Variants in APC observed in about 807,000 individuals in gnomAD.
APC encodes the protein adenomatous polyposis coli protein.
Under a neutral mutation model 247.0 loss-of-function variants are expected in APC, and 72 were observed. That is an observed-to-expected ratio of 0.29 (90% CI 0.24 to 0.35). APC has a LOEUF of 0.35. Among genes scored for constraint, APC ranks in the 10% least tolerant of loss-of-function variants. The probability of loss-of-function intolerance (pLI) is 1.00; values close to 1 mark genes in which losing one functional copy is unlikely to be tolerated. For missense variants in APC, 3,400 were observed against 3,360.7 expected (o/e 1.01, Z -0.29); for synonymous variants, 1,254 against 1,162.5 (o/e 1.08, Z -1.60).
At chr5:112,830,622 C>T (rs1003168186) in intron 14 of APC, among the ~76,000 whole-genome samples, 1 of 152,142 alleles carries the variant, frequency 6.6e-6, no homozygotes, top group South Asian at 2.1e-4. Context: ...TTATGATAGT[C>T]AAAAACTAGA....
chr5:112,793,188 A>G (rs1053944407), intron 7 of APC, among the ~76,000 whole-genome samples: 1 of 152,166 alleles, frequency 6.6e-6, no homozygotes, highest in Admixed American at 6.5e-5. Flanking sequence ...CTCCTTTCCA[A>G]TCCCAGCAAA....
intron 8 of APC, among the ~76,000 whole-genome samples, chr5:112,804,640 A>G (rs1761182064): frequency 6.6e-6 from 1 of 152,176 alleles, no homozygotes. Flanking sequence ...GGCCTCCCAA[A>G]TTGCTGGGAT....
rs1766784950 is a variant in APC at position 112,844,224 on chromosome 5, G to T, written c.*98G>T. 4 of 1,182,812 alleles carry T rather than the reference G, an allele frequency of 3.4e-6. No homozygotes were observed. The East Asian group carries it at 1.0e-4, about 30-fold the overall frequency. 73.3% of individuals were successfully genotyped at this position (1,182,812 alleles called of 1,614,324 possible). On this transcript the variant is annotated 3_prime_UTR_variant, in exon 16 of 16. Transcript: ENST00000257430. The stretch of plus-strand genomic sequence containing the variant: ...AAACTTTAAAAGACTGAAAAATTTT[G>T]TAAATAGGTTTGATTCTTGTTAGAG...
intron 1 of APC, among the ~76,000 whole-genome samples, chr5:112,729,920 T>A (rs967230765): frequency 2.6e-5 from 4 of 152,190 alleles, no homozygotes; most frequent in Non-Finnish European, 5.9e-5. Context: ...TGTTGAGTCA[T>A]CACAGTTTTT....
rs2149894727 is a variant in APC at position 112,839,170 on chromosome 5, A to T, written c.3576A>T (p.Lys1192Asn). ...CCACAGATATTCCTTCATCACAGAAACAGTCATTTTCATTCTCAAAGAGTT... is the reference window on the plus strand; with the variant it reads ...CCACAGATATTCCTTCATCACAGAATCAGTCATTTTCATTCTCAAAGAGTT... Reference protein sequence around the residue: ...KYATDIPSSQKQSFSFSKSSS... With the variant: ...KYATDIPSSQNQSFSFSKSSS... The change falls in exon 16 of 16, where the codon AAA (lysine) becomes AAT (asparagine). Residue 1192 changes from lysine to asparagine, a missense_variant. Lys to Asn is a moderately conservative substitution (Grantham distance 94). Coordinates refer to ENST00000257430, the MANE Select transcript of APC (RefSeq NM_000038.6). This position sits in a 1 kb window ranked among gnomAD's most constrained non-coding sequence, Gnocchi z 5.0. 1 of 1,614,156 alleles carries T rather than the reference A, an allele frequency of 6.2e-7. No individual in the cohort carries two copies. Among genetic ancestry groups the T allele is most frequent in the Non-Finnish European group, 8.5e-7 (1 of 1,180,032 alleles).
At chr5:112,774,268 A>G (rs1290745115) in intron 4 of APC, among the ~76,000 whole-genome samples, 1 of 152,136 alleles carries the variant, frequency 6.6e-6, no homozygotes, top group East Asian at 1.9e-4. Flanking sequence ...AAATCTGGAA[A>G]TAGAAAATTC....
chr5:112,766,503 G>T (rs1041762899), intron 3 of APC, 93 bp downstream of exon 3: 21 of 790,498 alleles, frequency 2.7e-5, no homozygotes, highest in African/African-American at 2.0e-4. Flanking sequence ...CTCGATTTGG[G>T]TGTTGGTATC....
intron 1 of APC, among the ~76,000 whole-genome samples, chr5:112,747,374 C>G (rs934401562): frequency 9.9e-5 from 15 of 152,112 alleles, no homozygotes; most frequent in African/African-American, 3.6e-4. Flanking sequence ...GAGAATTGAG[C>G]TATAAGAAAT....
chr5:112,815,788 T>G (rs1012508263), intron 9 of APC, among the ~76,000 whole-genome samples, 195 bp downstream of exon 9: 4 of 151,992 alleles, frequency 2.6e-5, no homozygotes, highest in African/African-American at 9.7e-5. Flanking sequence ...ATACAAAAAT[T>G]TAGCCAGTGT....
rs777215740 is a variant in APC, at chr5:112,843,905, A to G, written c.8311A>G (p.Ser2771Gly). Residue 2771 changes from serine to glycine, a missense_variant, in exon 16 of 16, where the codon AGT (serine) becomes GGT (glycine). By Grantham distance (56) the Ser-to-Gly change is moderately conservative. Around this residue, in one of 9 missense-constraint regions of APC, gnomAD observed 1,788 missense variants for 1,649.5 expected, o/e 1.08. Transcript: ENST00000257430. The surrounding 1 kb of genome is among the most constrained non-coding windows in gnomAD (Gnocchi z 4.8). ...CAGTTCTAGCAGCTCAAGCAAACAC[A>G]GTTCACCTAGTGGGACTGTTGCTGC... Reference protein sequence around the residue: ...PFSSSSSSKHSSPSGTVAARV... With the variant: ...PFSSSSSSKHGSPSGTVAARV... The G allele has an allele frequency of 1.2e-6, 2 of 1,613,888 alleles. No individual in the cohort carries two copies. The highest frequency in any genetic ancestry group is 1.7e-6 in the Non-Finnish European group (2 of 1,179,842).
At chr5:112,833,840 C>G (rs938208246) in intron 14 of APC, among the ~76,000 whole-genome samples, 2 of 152,092 alleles carry the variant, frequency 1.3e-5, no homozygotes, top group African/African-American at 4.8e-5. Context: ...GTATATAATG[C>G]TTTTTATATA....
At position 112,839,030 on chromosome 5, in the gene APC, C is replaced by A. The variant is rs202168805; in HGVS notation, c.3436C>A (p.Arg1146Ser). 1 of 1,613,942 alleles carries A rather than the reference C, an allele frequency of 6.2e-7. No individual in the cohort carries two copies. The highest frequency in any genetic ancestry group is 2.2e-5 in the East Asian group (1 of 44,858). Residue 1146 changes from arginine (R) to serine (S), a missense_variant, in exon 16 of 16, where the codon CGT becomes AGT. By Grantham distance (110) the Arg-to-Ser change is moderately radical. Transcript: ENST00000257430. This position sits in a 1 kb window ranked among gnomAD's most constrained non-coding sequence, Gnocchi z 5.0. ...TGATAAGCCTACCAATTATAGTGAA[C>A]GTTACTCTGAAGAAGAACAGCATGA... is the stretch of plus-strand genomic sequence containing the variant. ...EDDKPTNYSE[R>S]YSEEEQHEEE...
At chr5:112,814,857 G>C (rs539593945) in intron 8 of APC, among the ~76,000 whole-genome samples, 1 of 152,126 alleles carries the variant, frequency 6.6e-6, no homozygotes, top group Admixed American at 6.5e-5. Context: ...TTGTACCTTT[G>C]CACAGTCTCC....
chr5:112,741,616 GATAA>G, intron 1 of APC, among the ~76,000 whole-genome samples: 1 of 152,166 alleles, frequency 6.6e-6, no homozygotes, highest in East Asian at 1.9e-4. Flanking sequence ...ATTTTATTGT[GATAA>G]ATATACATAA....
intron 1 of APC, among the ~76,000 whole-genome samples, chr5:112,747,053 G>C (rs759691203): frequency 1.3e-5 from 2 of 152,000 alleles, no homozygotes; most frequent in Non-Finnish European, 2.9e-5. Context: ...TACCCAAGCT[G>C]GTCTCACTCA....
intron 4 of APC, among the ~76,000 whole-genome samples, chr5:112,772,262 G>A (rs1356100994): frequency 6.6e-6 from 1 of 152,098 alleles, no homozygotes; most frequent in Non-Finnish European, 1.5e-5. Flanking sequence ...TGCCTGTTCT[G>A]AGTCTAGCCT....
At chr5:112,772,234 A>G (rs527680088) in intron 4 of APC, among the ~76,000 whole-genome samples, 2 of 152,186 alleles carry the variant, frequency 1.3e-5, no homozygotes, top group Non-Finnish European at 2.9e-5. Flanking sequence ...CCTTTAGTAC[A>G]CTAAACCCTA....
chr5:112,709,737 A>G (rs1270805653), intron 1 of APC, among the ~76,000 whole-genome samples: 1 of 152,022 alleles, frequency 6.6e-6, no homozygotes, highest in Non-Finnish European at 1.5e-5. Context: ...CCTCATCTGT[A>G]CAAAAAAAAA....
Position 112,842,085 on chromosome 5 carries a change from G to C in APC, c.6491G>C (p.Gly2164Ala), listed in dbSNP as rs1490726940. 1.2e-6 allele frequency: 2 copies of C among 1,610,868 alleles called. No homozygotes were observed. The highest frequency in any genetic ancestry group is 2.7e-5 in the African/African-American group (2 of 74,760). ...GAAAAACCCTTTACAAGTAATAAAG[G>C]CCCACGAATTCTAAAACCAGGGGAG... ...QEEKPFTSNK[G>A]PRILKPGEKS... Residue 2164 changes from glycine (G) to alanine (A), a missense_variant, in exon 16 of 16, where the codon GGC (glycine) becomes GCC (alanine). Gly to Ala is a moderately conservative substitution (Grantham distance 60). Around this residue, in one of 9 missense-constraint regions of APC, gnomAD observed 1,788 missense variants for 1,649.5 expected, o/e 1.08. Transcript: ENST00000257430.
Sources: allele counts gnomAD v4.1 joint callset (sites outside exome capture counted in the v4.1 genomes callset), GRCh38; gene constraint gnomAD v4.1.1; regional missense constraint gnomAD v4.1.1; non-coding constraint Gnocchi (gnomAD v3.1); transcripts MANE v1.5; gene names NCBI Gene and HGNC (gene_info 2026-07-23, HGNC 2026-07-21).